The following PARD3B variants were observed in gnomAD, a reference collection of about 807,000 sequenced individuals.
The protein encoded by PARD3B is par-3 family cell polarity regulator beta.
PARD3B carries 103 observed loss-of-function variants against 130.2 expected under a neutral mutation model. The observed-to-expected ratio is 0.79, with a 90% confidence interval of 0.67 to 0.93. PARD3B has a LOEUF of 0.93. PARD3B is among the 40% of genes least tolerant of loss of function. PARD3B has a pLI of 0.00. For synonymous variants in PARD3B, 583 were observed against 553.2 expected (o/e 1.05, Z -0.76); for missense variants, 1,609 against 1,499.2 (o/e 1.07, Z -1.21).
intron 13 of PARD3B, among the ~76,000 whole-genome samples, chr2:205,178,650 T>C (rs1256108099): frequency 6.6e-6 from 1 of 152,204 alleles, no homozygotes; most frequent in African/African-American, 2.4e-5. Flanking sequence ...TGGCATTTAA[T>C]TCTCTAGCAA....
intron 21 of PARD3B, among the ~76,000 whole-genome samples, chr2:205,533,918 A>C (rs2106438258): frequency 6.6e-6 from 1 of 152,312 alleles, no homozygotes; most frequent in Middle Eastern, 3.4e-3. Flanking sequence ...TAAGAGATGA[A>C]GAAAATCACT....
chr2:204,994,733 C>T (rs1693996856), intron 3 of PARD3B, among the ~76,000 whole-genome samples: 2 of 145,938 alleles, frequency 1.4e-5, no homozygotes, highest in Non-Finnish European at 3.0e-5. Flanking sequence ...TTGTAGGTCA[C>T]TCAGGACTTG....
chr2:204,866,077 T>C (rs1265305471), intron 2 of PARD3B, among the ~76,000 whole-genome samples: 1 of 152,168 alleles, frequency 6.6e-6, no homozygotes, highest in East Asian at 1.9e-4. Flanking sequence ...CATTGTCATG[T>C]CCTGTGTAAC....
chr2:204,564,555 G>A (rs1446358064), intron 1 of PARD3B, among the ~76,000 whole-genome samples: 2 of 151,962 alleles, frequency 1.3e-5, no homozygotes, highest in East Asian at 1.9e-4. Context: ...TAAAAAATAT[G>A]TTCAATTGAT....
chr2:205,127,907 A>T (rs557288817), intron 10 of PARD3B, among the ~76,000 whole-genome samples: 1 of 152,302 alleles, frequency 6.6e-6, no homozygotes, highest in East Asian at 1.9e-4. Context: ...TAAAATACAG[A>T]TGGATTCTTC....
At chr2:205,471,245 T>A (rs1399391763) in intron 20 of PARD3B, among the ~76,000 whole-genome samples, 1 of 152,156 alleles carries the variant, frequency 6.6e-6, no homozygotes, top group Non-Finnish European at 1.5e-5. Context: ...CAGTACCACT[T>A]TTTCATATTG....
chr2:205,068,246 A>G (rs1700510044), intron 4 of PARD3B, among the ~76,000 whole-genome samples: 1 of 152,174 alleles, frequency 6.6e-6, no homozygotes, highest in Admixed American at 6.6e-5. Context: ...TGTGTTGCCA[A>G]TTTTTAAAAT....
chr2:205,619,093 A>G lies in PARD3B; in HGVS notation c.*3280A>G, dbSNP rs1157824651. The stretch of plus-strand genomic sequence containing the variant: ...GAAGAACAGAGGCTTCACTGTAGCT[A>G]TAGTTTTCCACCAAGTCAATCAAAT... On this transcript the variant is annotated 3_prime_UTR_variant, in exon 23 of 23. Transcript: ENST00000406610. The G allele has an allele frequency of 3.3e-5, 5 of 152,174 alleles. No individual in the cohort carries two copies. The highest frequency in any genetic ancestry group is 4.8e-5 in the African/African-American group (2 of 41,436). The allele number at this position is 152,174 out of a possible 1,614,324, so 9.4% of individuals were successfully genotyped here.
At chr2:205,002,502 C>T (rs887535548) in intron 3 of PARD3B, among the ~76,000 whole-genome samples, 17 of 152,134 alleles carry the variant, frequency 1.1e-4, no homozygotes, top group African/African-American at 4.1e-4. Context: ...CAGAGTCATC[C>T]TTGTCTCCTC....
chr2:205,552,585 C>T (rs4673335), intron 21 of PARD3B, among the ~76,000 whole-genome samples: 142,320 of 151,878 alleles, frequency 0.94, 67,337 homozygotes, highest in East Asian at 1. Context: ...ATTTTTGTAT[C>T]TTCAGCAGAG....
intron 18 of PARD3B, among the ~76,000 whole-genome samples, chr2:205,327,566 A>C (rs571306193): frequency 6.6e-6 from 1 of 152,322 alleles, no homozygotes; most frequent in African/African-American, 2.4e-5. Flanking sequence ...GGGCAGATAG[A>C]TTCTAAACGG....
chr2:204,693,187 T>C (rs567277355), intron 2 of PARD3B, among the ~76,000 whole-genome samples: 1 of 152,174 alleles, frequency 6.6e-6, no homozygotes, highest in South Asian at 2.1e-4. Flanking sequence ...AAAGCCAATT[T>C]ATTCTTTCCT....
chr2:204,679,593 A>G (rs2036723118), intron 1 of PARD3B, among the ~76,000 whole-genome samples: 1 of 152,134 alleles, frequency 6.6e-6, no homozygotes, highest in Admixed American at 6.5e-5. Context: ...ATTTTAAATC[A>G]TAAATGTTTT....
rs1271201843 is a variant in PARD3B, at chr2:205,409,896, G to A, written c.2741+8773G>A. 2.0e-5 allele frequency among the ~76,000 whole-genome samples: 3 copies of A among 152,120 alleles called. No homozygotes were observed. The South Asian group carries it at 6.2e-4, about 32-fold the overall frequency. On this transcript the variant is annotated intron_variant, in intron 19 of 22. Transcript: ENST00000406610. ...TTAGAGTATCTGACCTGATAAAAATGTGGAAAGAAATTTTAAATTTCGCTG... is the reference window on the plus strand; with the variant it reads ...TTAGAGTATCTGACCTGATAAAAATATGGAAAGAAATTTTAAATTTCGCTG...
At chr2:204,751,317 A>G (rs554621902) in intron 2 of PARD3B, among the ~76,000 whole-genome samples, 1 of 152,296 alleles carries the variant, frequency 6.6e-6, no homozygotes, top group South Asian at 2.1e-4. Flanking sequence ...TTAAAGAAAA[A>G]CAAAAACAAA....
chr2:205,163,304 T>G (rs768970325), intron 11 of PARD3B, among the ~76,000 whole-genome samples: 1 of 152,206 alleles, frequency 6.6e-6, no homozygotes, highest in Non-Finnish European at 1.5e-5. Context: ...AGAATACATT[T>G]AAGACTATCA....
intron 15 of PARD3B, among the ~76,000 whole-genome samples, chr2:205,243,590 C>T (rs1341967243): frequency 1.3e-5 from 2 of 152,164 alleles, no homozygotes; most frequent in Admixed American, 1.3e-4. Context: ...TTGGTCACCA[C>T]AGAAAGATAA....
At chr2:204,780,589 A>G (rs1028644620) in intron 2 of PARD3B, among the ~76,000 whole-genome samples, 2 of 152,190 alleles carry the variant, frequency 1.3e-5, no homozygotes, top group African/African-American at 2.4e-5. Context: ...CTCACAAACA[A>G]TCTCTTTTTC....
intron 1 of PARD3B, among the ~76,000 whole-genome samples, chr2:204,660,549 A>C (rs1021246616): frequency 2.6e-5 from 4 of 152,164 alleles, no homozygotes; most frequent in African/African-American, 9.7e-5. Flanking sequence ...TGTCTCTGGA[A>C]GGAGTTCAGA....
Sources: allele counts gnomAD v4.1 joint callset (sites outside exome capture counted in the v4.1 genomes callset), GRCh38; gene constraint gnomAD v4.1.1; transcripts MANE v1.5; gene names NCBI Gene and HGNC (gene_info 2026-07-23, HGNC 2026-07-21).